Variants in MGAT4D observed in about 807,000 individuals in gnomAD.
MGAT4D encodes the protein MGAT4 family member D, also known as alpha-1,3-mannosyl-glycoprotein 4-beta-N-acetylglucosaminyltransferase-like protein MGAT4D.
A neutral mutation model predicts 15.9 loss-of-function variants in MGAT4D; 34 were observed. The ratio of observed to expected loss-of-function variants is 2.14; its 90% CI spans 1.62 to 2.84. The LOEUF is 2.84. Among genes scored for constraint, MGAT4D ranks in the 30% most tolerant of loss-of-function variants. MGAT4D has a pLI of 0.00. For synonymous variants in MGAT4D, 112 were observed against 48.2 expected, an observed-to-expected ratio of 2.33 and a Z score of -5.49; for missense variants, 327 against 140.2, an observed-to-expected ratio of 2.33 and a Z score of -6.73.
chr4:140,450,329 T>C (rs1018813130), intron 10 of MGAT4D, among the ~76,000 whole-genome samples: 1 of 152,180 alleles, frequency 6.6e-6, no homozygotes, highest in Non-Finnish European at 1.5e-5. Context: ...CCAAAAAATA[T>C]AATGAAAGAA....
intron 1 of MGAT4D, among the ~76,000 whole-genome samples, chr4:140,490,822 T>C (rs1355465672): frequency 6.6e-6 from 1 of 152,250 alleles, no homozygotes; most frequent in African/African-American, 2.4e-5. Context: ...TTTCTGTCTT[T>C]AAAATTCAAA....
chr4:140,466,977 T>C (rs997496503), intron 5 of MGAT4D, among the ~76,000 whole-genome samples: 10 of 152,136 alleles, frequency 6.6e-5, no homozygotes, highest in Admixed American at 2.0e-4. Context: ...AATTTATTTT[T>C]TCTGATCTTT....
At chr4:140,445,650 TTA>T (rs1317211611) in intron 10 of MGAT4D, among the ~76,000 whole-genome samples, 1 of 152,220 alleles carries the variant, frequency 6.6e-6, no homozygotes, top group African/African-American at 2.4e-5. Flanking sequence ...TCCAGGGTTT[TTA>T]TAGTTTCAGG....
chr4:140,492,728 C>T (rs1733585677), intron 1 of MGAT4D, among the ~76,000 whole-genome samples: 1 of 152,052 alleles, frequency 6.6e-6, no homozygotes, highest in Non-Finnish European at 1.5e-5. Context: ...ACAAGTCTTG[C>T]CTGTCCAGCA....
rs530662951 is a variant in MGAT4D at position 140,454,395 on chromosome 4, T to C, written c.1008+2194A>G. Among the ~76,000 whole-genome samples the C allele has an allele frequency of 2.6e-5, 4 of 152,298 alleles. No individual in the cohort carries two copies. In the East Asian group the frequency reaches 5.8e-4, roughly 22 times the overall value. ...GGCTTTTCTTCTTCAGAATCTTAAA[T>C]TGGTGGGTTACACTGTATGATTTTC... On this transcript the variant is annotated intron_variant, in intron 9 of 10. Transcript: ENST00000511113.
intron 3 of MGAT4D, 29 bp downstream of exon 3, chr4:140,479,461 T>C (rs1379909015): frequency 2.2e-6 from 1 of 447,234 alleles, no homozygotes; most frequent in African/African-American, 2.0e-5. Context: ...AATACCTTTA[T>C]TTAATTTTCC....
intron 4 of MGAT4D, among the ~76,000 whole-genome samples, chr4:140,474,520 T>C (rs1276382792): frequency 1.3e-5 from 2 of 152,188 alleles, no homozygotes; most frequent in East Asian, 3.9e-4. Context: ...CTGAGCCATA[T>C]AGTAGGCAGG....
chr4:140,469,398 T>C (rs1282859945), intron 5 of MGAT4D, among the ~76,000 whole-genome samples: 1 of 152,244 alleles, frequency 6.6e-6, no homozygotes, highest in South Asian at 2.1e-4. Flanking sequence ...ATTCACACTT[T>C]GCAAAACTAT....
chr4:140,492,538 G>A (rs1578726094), intron 1 of MGAT4D, among the ~76,000 whole-genome samples: 1 of 151,796 alleles, frequency 6.6e-6, no homozygotes, highest in African/African-American at 2.4e-5. Context: ...TGAGGCAGGA[G>A]AATTGCTTGG....
intron 6 of MGAT4D, among the ~76,000 whole-genome samples, chr4:140,464,111 G>A (rs137857563): frequency 1.3e-5 from 2 of 152,334 alleles, no homozygotes; most frequent in East Asian, 3.9e-4. Context: ...TGGGCATAAT[G>A]TGGACCACTA....
chr4:140,447,943 T>C (rs767371648), intron 10 of MGAT4D, among the ~76,000 whole-genome samples: 3 of 152,214 alleles, frequency 2.0e-5, no homozygotes, highest in Non-Finnish European at 4.4e-5. Context: ...AAAAGGATCT[T>C]ATTCCTCCTT....
chr4:140,472,489 A>G (rs983208053), intron 4 of MGAT4D, among the ~76,000 whole-genome samples: 1 of 151,784 alleles, frequency 6.6e-6, no homozygotes, highest in Non-Finnish European at 1.5e-5. Context: ...GAACAATCAC[A>G]GTTCTGTTGT....
chr4:140,457,014 A>C (rs569211626), intron 8 of MGAT4D: 2 of 166,012 alleles, frequency 1.2e-5, no homozygotes, highest in Admixed American at 1.3e-4. Flanking sequence ...AGACAAGTGA[A>C]TAGAATGAAA....
chr4:140,468,796 C>A (rs1731718879), intron 5 of MGAT4D, among the ~76,000 whole-genome samples: 1 of 152,184 alleles, frequency 6.6e-6, no homozygotes, highest in Non-Finnish European at 1.5e-5. Context: ...AGTTCCTTCA[C>A]TGCCAATGAA....
intron 1 of MGAT4D, among the ~76,000 whole-genome samples, chr4:140,497,321 C>T (rs1733900836): frequency 6.6e-6 from 1 of 152,078 alleles, no homozygotes; most frequent in Non-Finnish European, 1.5e-5. Context: ...AAATTTTACA[C>T]CGCGGACAAC....
At chr4:140,484,212 A>G (rs1394992599) in intron 1 of MGAT4D, among the ~76,000 whole-genome samples, 1 of 152,184 alleles carries the variant, frequency 6.6e-6, no homozygotes, top group African/African-American at 2.4e-5. Flanking sequence ...AATAGCAAAA[A>G]AAAGTAAAAA....
intron 2 of MGAT4D, among the ~76,000 whole-genome samples, chr4:140,480,571 A>C (rs1732636009): frequency 1.3e-5 from 2 of 152,168 alleles, no homozygotes; most frequent in African/African-American, 2.4e-5. Flanking sequence ...AACTGAAAGA[A>C]AGTATTTCCA....
At chr4:140,491,254 G>C (rs1004109466) in intron 1 of MGAT4D, among the ~76,000 whole-genome samples, 1 of 151,984 alleles carries the variant, frequency 6.6e-6, no homozygotes, top group Non-Finnish European at 1.5e-5. Context: ...CTATTTTGTC[G>C]GCATATTCCC....
At chr4:140,463,054 C>G (rs920139443) in intron 6 of MGAT4D, among the ~76,000 whole-genome samples, 10 of 152,144 alleles carry the variant, frequency 6.6e-5, no homozygotes, top group Non-Finnish European at 1.3e-4. Context: ...CACACATCCC[C>G]ACTGAGGAAC....
Sources: allele counts gnomAD v4.1 joint callset (sites outside exome capture counted in the v4.1 genomes callset), GRCh38; gene constraint gnomAD v4.1.1; transcripts MANE v1.5; gene names NCBI Gene and HGNC (gene_info 2026-07-23, HGNC 2026-07-21).